The following PEX14 variants were observed in gnomAD, a reference collection of about 807,000 sequenced individuals.
PEX14 encodes peroxisomal membrane protein PEX14.
In PEX14, 15 loss-of-function variants were observed where a neutral mutation model predicts 49.5. The observed-to-expected ratio is 0.30, with a 90% confidence interval of 0.20 to 0.47. The LOEUF (loss-of-function observed/expected upper bound fraction) is 0.47, where lower values mean the gene tolerates loss of function less well. Among genes scored for constraint, PEX14 ranks in the 20% least tolerant of loss-of-function variants. The probability of loss-of-function intolerance (pLI) is 1.00; values close to 1 mark genes in which losing one functional copy is unlikely to be tolerated. For missense variants in PEX14, 398 were observed against 494.8 expected (o/e 0.80, Z 1.86); for synonymous variants, 210 against 212.7 (o/e 0.99, Z 0.11).
At chr1:10,599,633 T>C (rs965793482) in intron 4 of PEX14, among the ~76,000 whole-genome samples, 4 of 152,262 alleles carry the variant, frequency 2.6e-5, no homozygotes, top group African/African-American at 9.6e-5. Context: ...GCAGAAAACC[T>C]GTACAACTAT....
chr1:10,479,392 A>G (rs775625184), intron 1 of PEX14, among the ~76,000 whole-genome samples: 2 of 151,776 alleles, frequency 1.3e-5, no homozygotes, highest in Non-Finnish European at 2.9e-5. Context: ...GGGGGAAGAG[A>G]CAGAGAGAGA....
At position 10,512,785 on chromosome 1, in the gene PEX14, G is replaced by A. The variant is rs1209699483; in HGVS notation, c.84+17464G>A. Among the ~76,000 whole-genome samples the A allele has an allele frequency of 1.8e-4, 27 of 152,052 alleles. No individual in the cohort carries two copies. The highest frequency in any genetic ancestry group is 6.5e-5 in the Admixed American group (1 of 15,290). ...GTGATGTCGGCTCACTGCAACCTCC[G>A]CCTCACGGGTTCAAGCGATTCCCTG... On this transcript the variant is annotated intron_variant, in intron 2 of 8. Transcript: ENST00000356607. The surrounding 1 kb of genome is among the most constrained non-coding windows in gnomAD (Gnocchi z 4.6).
At chr1:10,522,794 A>G (rs1308324121) in intron 2 of PEX14, among the ~76,000 whole-genome samples, 2 of 152,232 alleles carry the variant, frequency 1.3e-5, no homozygotes, top group East Asian at 1.9e-4. Context: ...CTGGATGGTC[A>G]TCAGGAGCCA....
intron 3 of PEX14, among the ~76,000 whole-genome samples, chr1:10,572,657 C>T (rs780213180): frequency 6.7e-6 from 1 of 150,292 alleles, no homozygotes; most frequent in Non-Finnish European, 1.5e-5. Context: ...GTCTTAGCCT[C>T]CCGAGTAGCT....
Position 10,536,188 on chromosome 1 carries a change from T to C in PEX14, c.85-25T>C, listed in dbSNP as rs754459866. 2.5e-5 allele frequency: 35 copies of C among 1,418,478 alleles called. No individual in the cohort carries two copies. In the African/African-American group the frequency reaches 2.7e-4, roughly 11 times the overall value. The allele number at this position is 1,418,478 out of a possible 1,614,324, so 87.9% of individuals were successfully genotyped here. ...TTCAGACTATTGAAGTGAAGTTTACTCCTCTATTTTCTCTCTCTCACCAGA... is the reference window on the plus strand; with the variant it reads ...TTCAGACTATTGAAGTGAAGTTTACCCCTCTATTTTCTCTCTCTCACCAGA... On this transcript the variant is annotated intron_variant, in intron 2 of 8. Coordinates refer to ENST00000356607, the MANE Select transcript of PEX14 (RefSeq NM_004565.3).
intron 3 of PEX14, among the ~76,000 whole-genome samples, chr1:10,583,402 TA>T (rs146183048): frequency 2.1e-4 from 30 of 142,950 alleles, no homozygotes; most frequent in African/African-American, 4.0e-4. Context: ...TTTTTTTTTT[TA>T]AAAAGGTGAG....
At chr1:10,478,364 TGTCTA>T (rs1165179282) in intron 1 of PEX14, among the ~76,000 whole-genome samples, 1 of 152,190 alleles carries the variant, frequency 6.6e-6, no homozygotes, top group Non-Finnish European at 1.5e-5. Flanking sequence ...GTTGACTACT[TGTCTA>T]GTAAAGTTCT....
At chr1:10,555,256 A>T (rs1163357826) in intron 3 of PEX14, among the ~76,000 whole-genome samples, 1 of 152,014 alleles carries the variant, frequency 6.6e-6, no homozygotes, top group African/African-American at 2.4e-5. Context: ...CAAATTTTAA[A>T]TTAAAAAAAT....
At chr1:10,554,056 G>A (rs149720792) in intron 3 of PEX14, among the ~76,000 whole-genome samples, 3,987 of 151,354 alleles carry the variant, frequency 0.026, 185 homozygotes, top group African/African-American at 0.091. Flanking sequence ...TTGGGAGGCC[G>A]AGGTGGGCGG....
At chr1:10,622,891 A>G in intron 5 of PEX14, 128 bp from the exon 6 acceptor site, 2 of 709,832 alleles carry the variant, frequency 2.8e-6, no homozygotes, top group Non-Finnish European at 2.6e-6. Flanking sequence ...TTGTTCATTT[A>G]TGGTGTTTGC....
chr1:10,601,461 G>A (rs1430830608), intron 4 of PEX14, among the ~76,000 whole-genome samples: 2 of 152,082 alleles, frequency 1.3e-5, no homozygotes, highest in Non-Finnish European at 2.9e-5. Context: ...TCTCTTCTCC[G>A]GACTTGCTGA....
At chr1:10,575,896 G>A (rs1174837191) in intron 3 of PEX14, among the ~76,000 whole-genome samples, 25 of 152,154 alleles carry the variant, frequency 1.6e-4, no homozygotes, top group Admixed American at 1.4e-3. Context: ...CAGGGGATGA[G>A]AGTACCTGTC....
At chr1:10,540,928 C>A (rs113600744) in intron 3 of PEX14, among the ~76,000 whole-genome samples, 211 of 152,300 alleles carry the variant, frequency 1.4e-3, no homozygotes, top group African/African-American at 2.0e-3. Context: ...GATTTAGATT[C>A]ATTCCTCTGT....
At chr1:10,489,275 C>G (rs1423218975) in intron 1 of PEX14, among the ~76,000 whole-genome samples, 1 of 152,188 alleles carries the variant, frequency 6.6e-6, no homozygotes. Flanking sequence ...GCTACCGTGC[C>G]TGGCCATGTG....
intron 3 of PEX14, among the ~76,000 whole-genome samples, chr1:10,552,924 G>C (rs571033448): frequency 6.6e-6 from 1 of 152,306 alleles, no homozygotes; most frequent in South Asian, 2.1e-4. Context: ...CCATGCAGAG[G>C]ATGTGATGGG....
At chr1:10,551,489 G>A (rs570179640) in intron 3 of PEX14, among the ~76,000 whole-genome samples, 3 of 152,136 alleles carry the variant, frequency 2.0e-5, no homozygotes, top group African/African-American at 4.8e-5. Flanking sequence ...CCAGCAGCAC[G>A]GATTCGGCTT....
intron 2 of PEX14, among the ~76,000 whole-genome samples, chr1:10,526,162 C>T (rs1009244020): frequency 7.9e-5 from 12 of 151,576 alleles, no homozygotes; most frequent in African/African-American, 1.9e-4. Context: ...CCTCGTGATC[C>T]GCCCGCCTCA....
At chr1:10,569,695 A>G (rs1017962633) in intron 3 of PEX14, among the ~76,000 whole-genome samples, 4 of 152,190 alleles carry the variant, frequency 2.6e-5, no homozygotes, top group African/African-American at 4.8e-5. Context: ...ATGTGCCTTC[A>G]TGATTTCATC....
chr1:10,566,905 GT>G (rs1239927447), intron 3 of PEX14, among the ~76,000 whole-genome samples: 1 of 151,950 alleles, frequency 6.6e-6, no homozygotes, highest in South Asian at 2.1e-4. Flanking sequence ...TTCAAGTTCA[GT>G]TTTTTCCAGC....
Sources: allele counts gnomAD v4.1 joint callset (sites outside exome capture counted in the v4.1 genomes callset), GRCh38; gene constraint gnomAD v4.1.1; non-coding constraint Gnocchi (gnomAD v3.1); transcripts MANE v1.5; gene names NCBI Gene and HGNC (gene_info 2026-07-23, HGNC 2026-07-21).